SCN1A: variants seen among roughly 807,000 people sequenced by gnomAD.
SCN1A encodes the protein sodium voltage-gated channel alpha subunit 1.
Under a neutral mutation model 193.7 loss-of-function variants are expected in SCN1A, and 13 were observed. The ratio of observed to expected loss-of-function variants is 0.07; its 90% CI spans 0.04 to 0.11. SCN1A has a LOEUF of 0.11. SCN1A is among the 10% of genes least tolerant of loss of function. The pLI is 1.00. For missense variants in SCN1A, 1,432 were observed against 2,451.1 expected, an observed-to-expected ratio of 0.58 and a Z score of 8.78; for synonymous variants, 781 against 843.6, an observed-to-expected ratio of 0.93 and a Z score of 1.29.
intron 12 of SCN1A, 119 bp from the exon 13 acceptor site, chr2:166,045,446 A>C: frequency 1.7e-6 from 2 of 1,153,130 alleles, no homozygotes; most frequent in Non-Finnish European, 2.5e-6. Flanking sequence ...AGATCATCTC[A>C]CAGAGAAGAT....
chr2:166,073,189 A>G (rs558852176), intron 4 of SCN1A, 169 bp downstream of exon 4: 1 of 736,558 alleles, frequency 1.4e-6, no homozygotes, highest in Non-Finnish European at 2.2e-6. Context: ...TTATGATATA[A>G]TCAATTCATT....
At chr2:165,994,076 G>T in intron 28 of SCN1A, 70 bp downstream of exon 28, 1 of 1,198,556 alleles carries the variant, frequency 8.3e-7, no homozygotes, top group African/African-American at 1.5e-5. Context: ...GGATGATCTT[G>T]AATCTAATCT....
At chr2:166,087,810 A>G (rs1234470821) in intron 2 of SCN1A, among the ~76,000 whole-genome samples, 1 of 152,346 alleles carries the variant, frequency 6.6e-6, no homozygotes, top group East Asian at 1.9e-4. Flanking sequence ...TGTGGAGACT[A>G]TGAAGTTGGC....
chr2:166,094,918 A>G (rs188575347), intron 2 of SCN1A, among the ~76,000 whole-genome samples: 24 of 151,648 alleles, frequency 1.6e-4, no homozygotes, highest in African/African-American at 5.3e-4. Context: ...TGCCAAAATC[A>G]GGATCAAACA....
At chr2:166,093,010 G>A (rs899729370) in intron 2 of SCN1A, among the ~76,000 whole-genome samples, 9 of 151,960 alleles carry the variant, frequency 5.9e-5, no homozygotes, top group East Asian at 3.9e-4. Flanking sequence ...TTATGAGGAC[G>A]CTGATCACGG....
At chr2:166,080,447 A>G (rs1685396660) in intron 2 of SCN1A, among the ~76,000 whole-genome samples, 1 of 151,880 alleles carries the variant, frequency 6.6e-6, no homozygotes, top group African/African-American at 2.4e-5. Flanking sequence ...CTAAGAAACC[A>G]TAGCTAGGAA....
intron 4 of SCN1A, among the ~76,000 whole-genome samples, chr2:166,068,941 C>T (rs1389641437): frequency 1.3e-5 from 2 of 152,000 alleles, no homozygotes; most frequent in East Asian, 1.9e-4. Flanking sequence ...AATAATGATT[C>T]GTCTGTAATT....
At chr2:166,113,297 T>A (rs1004868321) in intron 2 of SCN1A, among the ~76,000 whole-genome samples, 28 of 152,252 alleles carry the variant, frequency 1.8e-4, no homozygotes, top group South Asian at 8.3e-4. Context: ...GGCTTTTTTT[T>A]AAATTTAGAA....
At chr2:166,081,329 G>A (rs1685500460) in intron 2 of SCN1A, among the ~76,000 whole-genome samples, 1 of 151,944 alleles carries the variant, frequency 6.6e-6, no homozygotes, top group South Asian at 2.1e-4. Flanking sequence ...AGTCTTAACT[G>A]TAAAGGCAAC....
chr2:166,143,330 C>A (rs952751885), intron 1 of SCN1A, among the ~76,000 whole-genome samples: 2 of 151,948 alleles, frequency 1.3e-5, no homozygotes, highest in African/African-American at 4.8e-5. Flanking sequence ...CCACGCCCGG[C>A]TAATTTTTTG....
In SCN1A at chr2:166,036,386, A is replaced by G; in HGVS notation, c.3091T>C (p.Tyr1031His). ...KGVAYVKRKI[Y>H]EFIQQSFIRK... ...ATGAAGGACTGTTGAATAAATTCAT[A>G]TATTTTTCTTTTCACATAAGCTACT... is the stretch of plus-strand genomic sequence containing the variant. The change falls in exon 19 of 29, where the codon TAT becomes CAT. Residue 1031 changes from tyrosine to histidine, a missense_variant. Tyr to His is a moderately conservative substitution (Grantham distance 83). Around this residue, in one of 18 missense-constraint regions of SCN1A, gnomAD observed 198 missense variants for 225.8 expected, o/e 0.88. Coordinates refer to ENST00000674923, the MANE Select transcript of SCN1A (RefSeq NM_001165963.4). 1 of 1,599,564 alleles carries G rather than the reference A, an allele frequency of 6.3e-7. No homozygotes were observed. The highest frequency in any genetic ancestry group is 1.1e-5 in the South Asian group (1 of 87,732).
chr2:166,079,053 A>G (rs1217139021), intron 2 of SCN1A, among the ~76,000 whole-genome samples: 1 of 151,630 alleles, frequency 6.6e-6, no homozygotes, highest in Admixed American at 6.6e-5. Flanking sequence ...GACTTTTCTA[A>G]GAACATTAAA....
chr2:166,112,557 G>GT (rs1689409557), intron 2 of SCN1A, among the ~76,000 whole-genome samples: 1 of 152,094 alleles, frequency 6.6e-6, no homozygotes, highest in African/African-American at 2.4e-5. Flanking sequence ...AGGTGTGCCT[G>GT]TATTTGGTCT....
chr2:166,041,535 A>G, intron 15 of SCN1A, 66 bp from the exon 16 acceptor site: 1 of 1,031,044 alleles, frequency 9.7e-7, no homozygotes, highest in Non-Finnish European at 1.5e-6. Flanking sequence ...CATTTATTTC[A>G]TATCCACTAA....
chr2:166,100,618 C>T (rs1192767545), intron 2 of SCN1A, among the ~76,000 whole-genome samples: 4 of 149,190 alleles, frequency 2.7e-5, no homozygotes, highest in Non-Finnish European at 6.0e-5. Context: ...ACTCATCTGA[C>T]AAAGGGCTAA....
chr2:165,998,120 A>G lies in SCN1A; in HGVS notation c.4394T>C (p.Ile1465Thr). Residue 1465 changes from isoleucine (I) to threonine (T), a missense_variant, in exon 26 of 29, where the codon ATT (isoleucine) becomes ACT (threonine). Physicochemically the swap from Ile to Thr is moderately conservative, Grantham distance 89. Transcript: ENST00000674923. ...GAAGAAGGACCCAAAGATGATGAAA[A>G]TAACAAAGTAAAGATACATGTACAG... ...ESLYMYLYFV[I>T]FIIFGSFFTL... 1 of 1,606,180 alleles carries G rather than the reference A, an allele frequency of 6.2e-7. No homozygotes were observed. The highest frequency in any genetic ancestry group is 8.5e-7 in the Non-Finnish European group (1 of 1,174,364).
At position 166,042,366 on chromosome 2, in the gene SCN1A, A is replaced by G; in HGVS notation, c.2102T>C (p.Met701Thr). 1 of 1,613,968 alleles carries G rather than the reference A, an allele frequency of 6.2e-7. No homozygotes were observed. The highest frequency in any genetic ancestry group is 8.5e-7 in the Non-Finnish European group (1 of 1,179,876). ...KRRSSSFHVS[M>T]DFLEDPSQRQ... is the part of the protein sequence containing the mutation. ...TTGGGAAGGATCTTCTAGAAAGTCC[A>G]TGGAAACGTGGAAAGAACTTGACCT... The change falls in exon 15 of 29, where the codon ATG becomes ACG. Residue 701 changes from methionine to threonine, a missense_variant. By Grantham distance (81) the Met-to-Thr change is moderately conservative. This residue lies in a region of SCN1A where 316 missense variants were observed against 362.1 expected (regional missense o/e 0.87). Transcript: ENST00000674923.
rs185114393 is a variant in SCN1A at position 166,110,415 on chromosome 2, A to C, written c.-142+16509T>G. On this transcript the variant is annotated intron_variant, in intron 2 of 28. Transcript: ENST00000674923. ...TAAAAGTGCTACTCCAGTGAACACA[A>C]AAATGATAAGAAAGTAAAATGGCTT... 3.1e-3 allele frequency among the ~76,000 whole-genome samples: 466 copies of C among 152,308 alleles called. 4 individuals carry two copies. The highest frequency in any genetic ancestry group is 0.011 in the African/African-American group (447 of 41,578).
intron 2 of SCN1A, among the ~76,000 whole-genome samples, chr2:166,100,283 A>G (rs1687897534): frequency 5.4e-5 from 7 of 128,878 alleles, no homozygotes; most frequent in Admixed American, 4.9e-4. Flanking sequence ...TATTTAATAA[A>G]TGGTGCTGGG....
Sources: gnomAD v4.1 joint callset for allele counts (sites outside exome capture counted in the v4.1 genomes callset) on GRCh38, gnomAD v4.1.1 for gene constraint, gnomAD v4.1.1 regional missense constraint, MANE v1.5 for transcripts, NCBI Gene and HGNC (gene_info 2026-07-23, HGNC 2026-07-21) for gene names.